The following HIP1 variants were observed in gnomAD, a reference collection of about 807,000 sequenced individuals.
HIP1 encodes the protein huntingtin-interacting protein 1.
A neutral mutation model predicts 147.6 loss-of-function variants in HIP1; 65 were observed. The observed-to-expected ratio is 0.44, with a 90% CI of 0.36 to 0.54. The LOEUF (loss-of-function observed/expected upper bound fraction) is 0.54, where lower values mean the gene tolerates loss of function less well. Among genes scored for constraint, HIP1 ranks in the 20% least tolerant of loss-of-function variants. HIP1 has a pLI of 0.00. For missense variants in HIP1, 1,061 were observed against 1,299.6 expected (o/e 0.82, Z 2.82); for synonymous variants, 479 against 504.0 (o/e 0.95, Z 0.67).
chr7:75,671,820 C>T (rs1174069595), intron 1 of HIP1, among the ~76,000 whole-genome samples: 2 of 152,050 alleles, frequency 1.3e-5, no homozygotes, highest in African/African-American at 2.4e-5. Context: ...CTGCAACCTC[C>T]GCCTCCCAGG....
In HIP1 at chr7:75,664,015, T is replaced by TAC. The variant is rs1368327740; in HGVS notation, c.121-64770_121-64769dup. On this transcript the variant is annotated intron_variant, in intron 1 of 30. Transcript: ENST00000336926. Reference sequence around the variant, plus strand: ...ATATACACATATATGTGTATATATATACACATATATGTGTATATATATACA... The same window carrying TAC: ...ATATACACATATATGTGTATATATATACACACATATATGTGTATATATATACA... 2.5e-4 allele frequency among the ~76,000 whole-genome samples: 6 copies of TAC among 23,954 alleles called. 1 individual carries two copies. In the African/African-American group the frequency reaches 2.6e-3, roughly 10 times the overall value. 15.7% of individuals were successfully genotyped at this position (23,954 alleles called of 152,430 possible).
chr7:75,657,526 CAA>C (rs201991075), intron 1 of HIP1, among the ~76,000 whole-genome samples: 26 of 66,592 alleles, frequency 3.9e-4, no homozygotes, highest in South Asian at 5.6e-4. Context: ...GACTTTGTCT[CAA>C]AAAAAAAAAA....
chr7:75,637,992 C>A (rs555154849), intron 1 of HIP1, among the ~76,000 whole-genome samples: 20,748 of 48,348 alleles, frequency 0.43, 4,020 homozygotes, highest in African/African-American at 0.6. Context: ...CCCCCCCCCC[C>A]CACACACACA....
intron 1 of HIP1, chr7:75,654,457 G>T (rs1304120879): frequency 6.6e-6 from 1 of 152,190 alleles, no homozygotes; most frequent in African/African-American, 2.4e-5. Context: ...ATGGCTACAG[G>T]TTCTTTCCAC....
rs886798537 is a variant in HIP1 at position 75,534,930 on chromosome 7, G to A, written c.*3242C>T. 2 of 206,260 alleles carry A rather than the reference G, an allele frequency of 9.7e-6. No individual in the cohort carries two copies. Among genetic ancestry groups the A allele is most frequent in the Admixed American group, 6.0e-5 (1 of 16,768 alleles). 12.8% of individuals were successfully genotyped at this position (206,260 alleles called of 1,614,324 possible). On this transcript the variant is annotated 3_prime_UTR_variant, in exon 31 of 31. Coordinates refer to ENST00000336926, the MANE Select transcript of HIP1 (RefSeq NM_005338.7). ...GTGATGCTCAGTGACTCATTTAGAA[G>A]GCTTGCAGGTTCATTTTTAGCTTTA...
chr7:75,589,683 C>CAAAAAAA lies in HIP1; in HGVS notation c.384+2366_384+2372dup, dbSNP rs1159535613. ...AGGCAACAGAGCAAGACTCTGTCTC[C>CAAAAAAA]AAAAAAAAAAAAAAAAAAAAAAAAA... On this transcript the variant is annotated intron_variant, in intron 4 of 30. Transcript: ENST00000336926. 2.8e-3 allele frequency among the ~76,000 whole-genome samples: 139 copies of CAAAAAAA among 49,642 alleles called. 4 individuals carry two copies. The highest frequency in any genetic ancestry group is 0.011 in the African/African-American group (128 of 11,464). 32.6% of individuals were successfully genotyped at this position (49,642 alleles called of 152,430 possible).
At chr7:75,573,268 C>T (rs1554497020) in intron 8 of HIP1, among the ~76,000 whole-genome samples, 1 of 152,214 alleles carries the variant, frequency 6.6e-6, no homozygotes, top group African/African-American at 2.4e-5. Flanking sequence ...CTAGGATAAT[C>T]AGCTGCAGAG....
intron 9 of HIP1, among the ~76,000 whole-genome samples, chr7:75,567,525 G>A (rs984588222): frequency 5.3e-5 from 8 of 151,410 alleles, no homozygotes; most frequent in African/African-American, 2.0e-4. Context: ...ACCTCAGGTC[G>A]GGTGCAGTGG....
chr7:75,552,171 G>A (rs1387215716), intron 22 of HIP1, among the ~76,000 whole-genome samples: 3 of 152,134 alleles, frequency 2.0e-5, no homozygotes, highest in Non-Finnish European at 2.9e-5. Flanking sequence ...GATTACAGGC[G>A]TGAGCCACCG....
chr7:75,718,482 G>A (rs1216784650), intron 1 of HIP1, among the ~76,000 whole-genome samples: 1 of 152,140 alleles, frequency 6.6e-6, no homozygotes, highest in African/African-American at 2.4e-5. Context: ...ATAACTATTC[G>A]GTTCTGGTAA....
chr7:75,721,888 G>T (rs563725632), intron 1 of HIP1, among the ~76,000 whole-genome samples: 1 of 152,324 alleles, frequency 6.6e-6, no homozygotes, highest in South Asian at 2.1e-4. Flanking sequence ...GATCCCATGT[G>T]CAAGCTAAGA....
intron 1 of HIP1, among the ~76,000 whole-genome samples, chr7:75,685,045 C>T (rs113488798): frequency 0.1 from 15,739 of 151,712 alleles, 933 homozygotes; most frequent in African/African-American, 0.16. Context: ...GAGCTGAGAT[C>T]GTGCCACTGC....
rs1310842506 is a variant in HIP1, at chr7:75,547,924, GAAGTCCCC to G, written c.2407-119_2407-112del. 7 of 957,018 alleles carry G rather than the reference GAAGTCCCC, an allele frequency of 7.3e-6. No individual in the cohort carries two copies. The African/African-American group carries it at 9.6e-5, about 13-fold the overall frequency. The allele number at this position is 957,018 out of a possible 1,614,324, so 59.3% of individuals were successfully genotyped here. ...GTGGTAGCTGGGAAACCTGAATCTG[GAAGTCCCC>G]AAGTCCCTGCCCACATTCTTGAGAG... On this transcript the variant is annotated intron_variant, in intron 23 of 30. Coordinates refer to ENST00000336926, the MANE Select transcript of HIP1 (RefSeq NM_005338.7).
intron 30 of HIP1, among the ~76,000 whole-genome samples, chr7:75,538,490 G>A (rs1794170416): frequency 1.3e-5 from 2 of 151,840 alleles, no homozygotes; most frequent in Non-Finnish European, 2.9e-5. Context: ...ATATAGACTC[G>A]AGGTGATGGA....
At chr7:75,686,766 A>G (rs1443619540) in intron 1 of HIP1, among the ~76,000 whole-genome samples, 2 of 151,082 alleles carry the variant, frequency 1.3e-5, no homozygotes, top group Admixed American at 1.3e-4. Context: ...GGCTCAAGCC[A>G]TCCTCCCCTC....
intron 1 of HIP1, among the ~76,000 whole-genome samples, chr7:75,690,286 AC>A (rs1800403594): frequency 6.6e-6 from 1 of 152,030 alleles, no homozygotes; most frequent in African/African-American, 2.4e-5. Context: ...ACACACACAC[AC>A]ACACACAAAA....
intron 7 of HIP1, among the ~76,000 whole-genome samples, chr7:75,577,461 G>A (rs1409347032): frequency 1.3e-5 from 2 of 152,082 alleles, no homozygotes; most frequent in African/African-American, 4.8e-5. Context: ...ATTACTTAGA[G>A]TCTTCTGGAC....
intron 1 of HIP1, among the ~76,000 whole-genome samples, chr7:75,643,781 C>T (rs954333365): frequency 3.9e-5 from 6 of 152,176 alleles, no homozygotes; most frequent in Non-Finnish European, 5.9e-5. Context: ...GGGTGGACCA[C>T]TTGAGGTCAG....
intron 23 of HIP1, 89 bp downstream of exon 23, chr7:75,548,802 A>G: frequency 9.7e-7 from 1 of 1,035,748 alleles, no homozygotes; most frequent in Non-Finnish European, 1.5e-6. Context: ...CATGGCCTTA[A>G]TGAACGACTG....
Sources: gnomAD v4.1 joint callset for allele counts (sites outside exome capture counted in the v4.1 genomes callset) on GRCh38, gnomAD v4.1.1 for gene constraint, MANE v1.5 for transcripts, NCBI Gene and HGNC (gene_info 2026-07-23, HGNC 2026-07-21) for gene names.